Variants in RBFOX1 observed in about 807,000 individuals in gnomAD.
RBFOX1 encodes RNA binding protein fox-1 homolog 1.
In RBFOX1, 8 loss-of-function variants were observed where a neutral mutation model predicts 57.7. The observed-to-expected ratio is 0.14, with a 90% CI of 0.08 to 0.25. RBFOX1 has a LOEUF of 0.25. Ranked by LOEUF, RBFOX1 falls within the 10% of genes least tolerant of loss-of-function variation. The pLI, the probability that RBFOX1 is intolerant of heterozygous loss-of-function variation, is 1.00. For synonymous variants in RBFOX1, 326 were observed against 222.4 expected, an observed-to-expected ratio of 1.47 and a Z score of -4.15; for missense variants, 611 against 548.5, an observed-to-expected ratio of 1.11 and a Z score of -1.14.
At chr16:6,708,338 A>G (rs1241081544) in intron 3 of RBFOX1, among the ~76,000 whole-genome samples, 1 of 152,052 alleles carries the variant, frequency 6.6e-6, no homozygotes, top group Non-Finnish European at 1.5e-5. Flanking sequence ...CTGTCTTCCC[A>G]ACTACCTTGA....
At chr16:6,048,820 G>T (rs7190154) in intron 1 of RBFOX1, among the ~76,000 whole-genome samples, 1 of 152,182 alleles carries the variant, frequency 6.6e-6, no homozygotes, top group African/African-American at 2.4e-5. Flanking sequence ...AAGACATAGC[G>T]TTATTCCTTT....
chr16:7,042,488 C>T (rs1489244744), intron 3 of RBFOX1, among the ~76,000 whole-genome samples: 1 of 152,170 alleles, frequency 6.6e-6, no homozygotes, highest in Non-Finnish European at 1.5e-5. Context: ...AAAATCAAAT[C>T]AGCTAATGAA....
intron 1 of RBFOX1, among the ~76,000 whole-genome samples, chr16:6,062,158 G>A (rs969507297): frequency 6.6e-6 from 1 of 152,140 alleles, no homozygotes; most frequent in Admixed American, 6.5e-5. Flanking sequence ...TGCCGTCTCT[G>A]GGTGCATCAC....
intron 4 of RBFOX1, among the ~76,000 whole-genome samples, chr16:7,268,653 A>T (rs1255472726): frequency 6.6e-6 from 1 of 152,146 alleles, no homozygotes; most frequent in Non-Finnish European, 1.5e-5. Context: ...GAGCTTGTGT[A>T]ACTGTGAGTC....
At chr16:7,455,014 T>C (rs932030585) in intron 4 of RBFOX1, among the ~76,000 whole-genome samples, 1 of 152,224 alleles carries the variant, frequency 6.6e-6, no homozygotes, top group Non-Finnish European at 1.5e-5. Flanking sequence ...GGTTCATTTA[T>C]TGATTTGTTC....
intron 4 of RBFOX1, among the ~76,000 whole-genome samples, chr16:5,953,022 C>T (rs1461736235): frequency 6.6e-6 from 1 of 151,858 alleles, no homozygotes; most frequent in East Asian, 1.9e-4. Flanking sequence ...CAGTTCCCAG[C>T]CTGGCTACAT....
Position 7,141,095 on chromosome 16 carries a change from G to A in RBFOX1, c.27+88997G>A, listed in dbSNP as rs146677930. On this transcript the variant is annotated intron_variant, in intron 4 of 15. Transcript: ENST00000550418. Reference sequence around the variant, plus strand: ...CTGACGATGAGCTGGGGTGGTTTCTGAACCATGAGTCATCTTGTGCAAAGT... The same window carrying A: ...CTGACGATGAGCTGGGGTGGTTTCTAAACCATGAGTCATCTTGTGCAAAGT... Among the ~76,000 whole-genome samples, 4 of 152,206 alleles carry A rather than the reference G, an allele frequency of 2.6e-5. No homozygotes were observed. The East Asian group carries it at 7.7e-4, about 29-fold the overall frequency.
chr16:6,356,579 C>T (rs952991393), intron 2 of RBFOX1, among the ~76,000 whole-genome samples: 2 of 152,076 alleles, frequency 1.3e-5, no homozygotes, highest in African/African-American at 4.8e-5. Flanking sequence ...AGTACCTGAG[C>T]AGTACATCTT....
chr16:5,733,437 C>A (rs1350079848), intron 3 of RBFOX1, among the ~76,000 whole-genome samples: 1 of 152,178 alleles, frequency 6.6e-6, no homozygotes, highest in African/African-American at 2.4e-5. Context: ...AAGTGGCGCT[C>A]TTGTCTCTGG....
chr16:6,928,062 C>G (rs191759513), intron 3 of RBFOX1, among the ~76,000 whole-genome samples: 1 of 152,120 alleles, frequency 6.6e-6, no homozygotes, highest in Non-Finnish European at 1.5e-5. Context: ...TGGGTTGAAG[C>G]CCCAGATGAC....
At chr16:6,651,922 G>C (rs1352260542) in intron 2 of RBFOX1, among the ~76,000 whole-genome samples, 1 of 152,180 alleles carries the variant, frequency 6.6e-6, no homozygotes, top group Non-Finnish European at 1.5e-5. Context: ...CTACCACATG[G>C]ATGAACCTTG....
chr16:5,894,364 C>T lies in RBFOX1; in HGVS notation c.351+27029C>T, dbSNP rs564770922. Among the ~76,000 whole-genome samples the T allele has an allele frequency of 6.6e-5, 10 of 152,272 alleles. No homozygotes were observed. In the East Asian group the frequency reaches 1.9e-3, roughly 29 times the overall value. On this transcript the variant is annotated intron_variant, in intron 4 of 19. Transcript: ENST00000641259. ...GTGGCACAGTTTTGGCTCACTTTCA[C>T]CTCCACCTCCTGGGTTCCAGTGATT... is the stretch of plus-strand genomic sequence containing the variant.
At chr16:7,247,127 G>A (rs1416356206) in intron 4 of RBFOX1, among the ~76,000 whole-genome samples, 1 of 152,130 alleles carries the variant, frequency 6.6e-6, no homozygotes, top group Non-Finnish European at 1.5e-5. Context: ...CTCAAGTGAG[G>A]AGGCTCAGCT....
At chr16:6,599,989 C>G (rs1724801094) in intron 2 of RBFOX1, among the ~76,000 whole-genome samples, 2 of 152,098 alleles carry the variant, frequency 1.3e-5, no homozygotes. Flanking sequence ...ACATGTTGTC[C>G]TATTGCCATC....
intron 3 of RBFOX1, among the ~76,000 whole-genome samples, chr16:5,693,219 C>G (rs1314081033): frequency 6.6e-6 from 1 of 152,070 alleles, no homozygotes; most frequent in Non-Finnish European, 1.5e-5. Context: ...GCCCTTTAAC[C>G]CTCTCCTGAC....
chr16:6,088,721 C>A (rs950777232), intron 1 of RBFOX1, among the ~76,000 whole-genome samples: 1 of 152,160 alleles, frequency 6.6e-6, no homozygotes, highest in Non-Finnish European at 1.5e-5. Context: ...CCTGCAATGA[C>A]TTGCAGACTG....
intron 3 of RBFOX1, among the ~76,000 whole-genome samples, chr16:7,022,385 G>A (rs75465484): frequency 0.021 from 3,239 of 151,948 alleles, 113 homozygotes; most frequent in African/African-American, 0.072. Flanking sequence ...AGATGGTAGA[G>A]CTGGGATTCG....
chr16:5,582,946 C>A (rs570264301), intron 2 of RBFOX1, among the ~76,000 whole-genome samples: 1 of 152,110 alleles, frequency 6.6e-6, no homozygotes, highest in Non-Finnish European at 1.5e-5. Context: ...GTTGAGCACT[C>A]GGGAGCCAGG....
intron 4 of RBFOX1, among the ~76,000 whole-genome samples, chr16:7,210,940 A>C (rs547218689): frequency 1.3e-5 from 2 of 152,212 alleles, no homozygotes; most frequent in South Asian, 2.1e-4. Context: ...AGAATATAAA[A>C]ATAGAAAGGA....
Sources: gnomAD v4.1 joint callset for allele counts (sites outside exome capture counted in the v4.1 genomes callset) on GRCh38, gnomAD v4.1.1 for gene constraint, MANE v1.5 for transcripts, NCBI Gene and HGNC (gene_info 2026-07-23, HGNC 2026-07-21) for gene names.